ZIM2: variants seen among roughly 807,000 people sequenced by gnomAD.
The protein encoded by ZIM2 is zinc finger protein 656.
ZIM2 carries 14 observed loss-of-function variants against 38.6 expected under a neutral mutation model. The observed-to-expected ratio is 0.36, with a 90% CI of 0.24 to 0.57. ZIM2 has a LOEUF of 0.57. Ranked by LOEUF, ZIM2 falls within the 20% of genes least tolerant of loss-of-function variation. The pLI is 0.81. For synonymous variants in ZIM2, 247 were observed against 245.8 expected (o/e 1.00, Z -0.04); for missense variants, 680 against 695.1 (o/e 0.98, Z 0.24).
At chr19:56,785,348 A>C (rs548418446) in intron 10 of ZIM2, among the ~76,000 whole-genome samples, 22 of 152,142 alleles carry the variant, frequency 1.4e-4, no homozygotes, top group African/African-American at 4.6e-4. Context: ...ATATTCTAGA[A>C]CAGTGTTTCT....
rs143753429 is a variant in ZIM2, at chr19:56,819,516, T to C, written c.295-814A>G. Among the ~76,000 whole-genome samples, 799 of 152,314 alleles carry C rather than the reference T, an allele frequency of 5.2e-3. 10 individuals carry two copies. Among genetic ancestry groups the C allele is most frequent in the African/African-American group, 0.018 (768 of 41,580 alleles). The stretch of plus-strand genomic sequence containing the variant: ...GTCATGGTCCCAGGAAGAATGGCAC[T>C]GAGGCTGGAGAGAGACTTGAGGAGG... On this transcript the variant is annotated intron_variant, in intron 7 of 12. Transcript: ENST00000629319.
intron 9 of ZIM2, chr19:56,817,090 G>A: frequency 6.2e-7 from 1 of 1,614,104 alleles, no homozygotes; most frequent in Non-Finnish European, 8.5e-7. Flanking sequence ...ACATACATAT[G>A]GCATTGCCCC....
At position 56,774,714 on chromosome 19, in the gene ZIM2, T is replaced by C. The variant is rs1163741975; in HGVS notation, c.1651A>G (p.Lys551Glu). ...TQHYQLHSQE[K>E]TVECDHC ...CAACAGTGATCGCACTCAACAGTTT[T>C]CTCTTGAGAATGGAGTTGATAATGT... Residue 551 changes from lysine (K) to glutamate (E), a missense_variant, in exon 13 of 13, where the codon AAA (lysine) becomes GAA (glutamate). Coordinates refer to ENST00000629319, the MANE Select transcript of ZIM2 (RefSeq NM_001387356.1). 6.2e-7 allele frequency: 1 copy of C among 1,614,138 alleles called. No homozygotes were observed. The highest frequency in any genetic ancestry group is 1.7e-5 in the Admixed American group (1 of 60,020).
intron 10 of ZIM2, among the ~76,000 whole-genome samples, chr19:56,784,300 CTTTA>C (rs950507506): frequency 2.0e-5 from 3 of 151,912 alleles, no homozygotes; most frequent in African/African-American, 7.3e-5. Context: ...TTTTCTTGTG[CTTTA>C]TTTTACTTAA....
At chr19:56,792,786 G>A (rs2145930041) in intron 9 of ZIM2, among the ~76,000 whole-genome samples, 1 of 152,128 alleles carries the variant, frequency 6.6e-6, no homozygotes, top group African/African-American at 2.4e-5. Flanking sequence ...TAATAAACTT[G>A]CAAATGCACC....
intron 2 of ZIM2, among the ~76,000 whole-genome samples, chr19:56,828,016 A>G (rs866547323): frequency 3.1e-4 from 47 of 152,280 alleles, no homozygotes; most frequent in African/African-American, 1.1e-3. Flanking sequence ...TTTTTATTTT[A>G]CCATGAGCAT....
chr19:56,813,241 T>A (rs2059661847), intron 9 of ZIM2: 7 of 977,022 alleles, frequency 7.2e-6, no homozygotes, highest in Non-Finnish European at 8.5e-6. Context: ...GTAAGGTACC[T>A]CTGCAGAGTA....
intron 9 of ZIM2, chr19:56,815,174 G>C (rs1331777654): frequency 8.1e-6 from 13 of 1,613,930 alleles, no homozygotes; most frequent in Non-Finnish European, 1.1e-5. Flanking sequence ...TCTGAGCCTT[G>C]AATGACAGGG....
chr19:56,782,000 A>G lies in ZIM2; in HGVS notation c.692T>C (p.Leu231Pro). Reference protein sequence around the residue: ...LSSLSAAQRNLYREVMLENYR... With the variant: ...LSSLSAAQRNPYREVMLENYR... The stretch of plus-strand genomic sequence containing the variant: ...ATTCTCCAGCATCACCTCCCTGTAG[A>G]GGTTTCTCTGAGCAGCACTAAGGGA... Residue 231 changes from leucine (L) to proline (P), a missense_variant, in exon 11 of 13, where the codon CTC becomes CCC. By Grantham distance (98) the Leu-to-Pro change is moderately conservative (BLOSUM62 -3). Transcript: ENST00000629319. 1 of 1,613,896 alleles carries G rather than the reference A, an allele frequency of 6.2e-7. No individual in the cohort carries two copies. The highest frequency in any genetic ancestry group is 8.5e-7 in the Non-Finnish European group (1 of 1,179,882).
chr19:56,836,578 T>TA (rs2062130898), intron 1 of ZIM2, among the ~76,000 whole-genome samples: 1 of 152,156 alleles, frequency 6.6e-6, no homozygotes, highest in African/African-American at 2.4e-5. Flanking sequence ...TTCAATCAAT[T>TA]AGAGGTCCCT....
At chr19:56,802,076 T>A (rs1415530383) in intron 9 of ZIM2, among the ~76,000 whole-genome samples, 8 of 152,142 alleles carry the variant, frequency 5.3e-5, no homozygotes, top group Non-Finnish European at 7.3e-5. Flanking sequence ...ACTGTCTCCT[T>A]CATGTCTGAA....
chr19:56,824,490 C>T (rs747618072), intron 3 of ZIM2, 63 bp from the exon 4 acceptor site: 2 of 1,613,932 alleles, frequency 1.2e-6, no homozygotes, highest in Admixed American at 3.3e-5. Context: ...CCAACAAATT[C>T]CACATAGATT....
chr19:56,796,528 A>G (rs2047238655), intron 9 of ZIM2, among the ~76,000 whole-genome samples: 1 of 152,150 alleles, frequency 6.6e-6, no homozygotes, highest in South Asian at 2.1e-4. Context: ...CCGAACCTCT[A>G]AGCTGGAGGC....
chr19:56,835,936 C>T, intron 2 of ZIM2, 82 bp downstream of exon 2: 2 of 459,840 alleles, frequency 4.3e-6, no homozygotes, highest in South Asian at 1.5e-5. Context: ...AACACATATG[C>T]AGTAGGAAAG....
intron 1 of ZIM2, among the ~76,000 whole-genome samples, chr19:56,839,176 G>A (rs1430366694): frequency 2.0e-5 from 3 of 150,930 alleles, no homozygotes; most frequent in Non-Finnish European, 3.0e-5. Flanking sequence ...TAGGTCCAAT[G>A]CCACCCTGTC....
At chr19:56,786,986 G>A (rs1257511893) in intron 10 of ZIM2, among the ~76,000 whole-genome samples, 1 of 152,020 alleles carries the variant, frequency 6.6e-6, no homozygotes, top group Admixed American at 6.6e-5. Context: ...ACAGGTGTGT[G>A]TCACCACGCC....
intron 2 of ZIM2, among the ~76,000 whole-genome samples, chr19:56,832,312 T>A (rs1044661508): frequency 6.6e-6 from 1 of 152,074 alleles, no homozygotes; most frequent in Non-Finnish European, 1.5e-5. Context: ...CCTCTGACCC[T>A]TAAGCACTCC....
At position 56,814,874 on chromosome 19, in the gene ZIM2, A is replaced by C; in HGVS notation, c.490+2872T>G. 6.2e-7 allele frequency: 1 copy of C among 1,614,148 alleles called. No individual in the cohort carries two copies. Among genetic ancestry groups the C allele is most frequent in the Non-Finnish European group, 8.5e-7 (1 of 1,180,032 alleles). On this transcript the variant is annotated intron_variant, in intron 9 of 12. Transcript: ENST00000629319. The surrounding 1 kb of genome is among the most constrained non-coding windows in gnomAD (Gnocchi z 5.8). ...TCATCACACCCCTTCATGGAATACA[A>C]CTGGTCTTGTTCATGGATTCTCTGA...
intron 7 of ZIM2, 148 bp from the exon 8 acceptor site, chr19:56,818,850 T>G (rs916171019): frequency 1.0e-5 from 9 of 890,884 alleles, no homozygotes; most frequent in Non-Finnish European, 1.2e-5. Context: ...AAGTCAAGTG[T>G]TACTAGGGAC....
Sources: gnomAD v4.1 joint callset for allele counts (sites outside exome capture counted in the v4.1 genomes callset) on GRCh38, gnomAD v4.1.1 for gene constraint, Gnocchi (gnomAD v3.1) non-coding constraint, MANE v1.5 for transcripts, NCBI Gene and HGNC (gene_info 2026-07-23, HGNC 2026-07-21) for gene names.